FHIT: variants seen among roughly 807,000 people sequenced by gnomAD.
The protein encoded by FHIT is fragile histidine triad diadenosine triphosphatase.
In FHIT, 19 loss-of-function variants were observed where a neutral mutation model predicts 17.9. The ratio of observed to expected loss-of-function variants is 1.06; its 90% CI spans 0.74 to 1.56. FHIT has a LOEUF of 1.56. Among genes scored for constraint, FHIT ranks in the 40% most tolerant of loss-of-function variants. FHIT has a pLI of 0.00. For synonymous variants in FHIT, 81 were observed against 69.7 expected, an observed-to-expected ratio of 1.16 and a Z score of -0.81; for missense variants, 248 against 189.2, an observed-to-expected ratio of 1.31 and a Z score of -1.82.
At chr3:60,543,664 T>G (rs1293666052) in intron 4 of FHIT, among the ~76,000 whole-genome samples, 1 of 152,158 alleles carries the variant, frequency 6.6e-6, no homozygotes, top group East Asian at 1.9e-4. Context: ...AAGCTATTGA[T>G]TTTTCTACGT....
intron 8 of FHIT, among the ~76,000 whole-genome samples, chr3:59,876,112 T>C (rs1197424871): frequency 6.6e-6 from 1 of 152,078 alleles, no homozygotes; most frequent in Non-Finnish European, 1.5e-5. Context: ...TATAGTTTCA[T>C]ATGCCTGTAT....
At chr3:61,210,165 A>G (rs891308931) in intron 1 of FHIT, among the ~76,000 whole-genome samples, 2 of 150,882 alleles carry the variant, frequency 1.3e-5, no homozygotes, top group African/African-American at 4.9e-5. Flanking sequence ...TTGATCGTTC[A>G]AGTTTTGTCT....
At chr3:60,719,053 T>A (rs2041751232) in intron 4 of FHIT, among the ~76,000 whole-genome samples, 1 of 152,168 alleles carries the variant, frequency 6.6e-6, no homozygotes, top group Non-Finnish European at 1.5e-5. Context: ...ACAGAAATGG[T>A]GAAGGCATGC....
chr3:59,927,711 G>A (rs11712381), intron 7 of FHIT, among the ~76,000 whole-genome samples: 23,708 of 152,102 alleles, frequency 0.16, 2,151 homozygotes, highest in Middle Eastern at 0.25. Context: ...GGAGGTTGCC[G>A]TGAGCCGAGA....
intron 3 of FHIT, among the ~76,000 whole-genome samples, chr3:60,887,039 A>G (rs1211315209): frequency 1.3e-5 from 2 of 152,204 alleles, no homozygotes; most frequent in Non-Finnish European, 2.9e-5. Context: ...TTTTACCATC[A>G]TATATATAAC....
intron 5 of FHIT, among the ~76,000 whole-genome samples, chr3:60,257,756 A>G (rs1706076519): frequency 6.6e-6 from 1 of 152,168 alleles, no homozygotes; most frequent in African/African-American, 2.4e-5. Flanking sequence ...GACATGGATG[A>G]AACTAGAGGT....
chr3:59,982,875 A>C (rs886971775), intron 7 of FHIT, among the ~76,000 whole-genome samples: 3 of 152,102 alleles, frequency 2.0e-5, no homozygotes, highest in African/African-American at 7.2e-5. Context: ...CTAAATCCAA[A>C]GTTTTCTATT....
chr3:60,564,016 G>A (rs955161466), intron 4 of FHIT, among the ~76,000 whole-genome samples: 1 of 152,166 alleles, frequency 6.6e-6, no homozygotes, highest in Non-Finnish European at 1.5e-5. Flanking sequence ...GAGAGGAGAA[G>A]TTAGTGCCTG....
chr3:60,553,819 CT>C (rs1195347139), intron 4 of FHIT, among the ~76,000 whole-genome samples: 1 of 152,094 alleles, frequency 6.6e-6, no homozygotes, highest in African/African-American at 2.4e-5. Context: ...AGCACAGTGG[CT>C]CACACCTGTA....
chr3:60,520,511 C>A (rs13064050), intron 5 of FHIT, among the ~76,000 whole-genome samples: 22,795 of 152,046 alleles, frequency 0.15, 2,167 homozygotes, highest in African/African-American at 0.25. Context: ...AGAAACATCT[C>A]GTCTAGAGAG....
chr3:60,322,559 G>A (rs1430454826), intron 5 of FHIT, among the ~76,000 whole-genome samples: 1 of 152,128 alleles, frequency 6.6e-6, no homozygotes, highest in Non-Finnish European at 1.5e-5. Flanking sequence ...GTAAATAAGG[G>A]CACCGGACAA....
At chr3:60,452,119 G>C (rs570609896) in intron 5 of FHIT, among the ~76,000 whole-genome samples, 89 of 152,234 alleles carry the variant, frequency 5.8e-4, no homozygotes, top group African/African-American at 2.1e-3. Flanking sequence ...CAAATCTTGG[G>C]AGGAGAAATA....
intron 3 of FHIT, among the ~76,000 whole-genome samples, chr3:61,014,276 C>T (rs1051267831): frequency 6.6e-6 from 1 of 152,126 alleles, no homozygotes; most frequent in Non-Finnish European, 1.5e-5. Flanking sequence ...TATTGTTACT[C>T]ATGTATTTCT....
intron 3 of FHIT, among the ~76,000 whole-genome samples, chr3:60,838,405 G>C (rs2106849680): frequency 1.3e-5 from 2 of 152,326 alleles, no homozygotes; most frequent in South Asian, 4.1e-4. Flanking sequence ...CCGGGAGGCA[G>C]AGCTTGCAGT....
chr3:59,885,580 T>A (rs537432254), intron 8 of FHIT, among the ~76,000 whole-genome samples: 43 of 152,190 alleles, frequency 2.8e-4, no homozygotes, highest in African/African-American at 1.0e-3. Flanking sequence ...CTCTGTTTGA[T>A]CATCCACTTT....
chr3:59,969,263 T>C (rs1708069473), intron 7 of FHIT, among the ~76,000 whole-genome samples: 1 of 152,154 alleles, frequency 6.6e-6, no homozygotes, highest in Non-Finnish European at 1.5e-5. Context: ...ATTCCATTAT[T>C]CAAAAATACA....
At chr3:61,071,651 A>T (rs1250423002) in intron 2 of FHIT, among the ~76,000 whole-genome samples, 4 of 152,228 alleles carry the variant, frequency 2.6e-5, no homozygotes, top group Non-Finnish European at 5.9e-5. Context: ...GATATAAAAC[A>T]GTCTATGCAG....
chr3:60,064,203 A>G (rs1240225740), intron 5 of FHIT, among the ~76,000 whole-genome samples: 2 of 152,218 alleles, frequency 1.3e-5, no homozygotes, highest in East Asian at 3.8e-4. Flanking sequence ...ATTTAAATCA[A>G]TAATATTAAT....
chr3:60,509,842 G>A (rs1447135531), intron 5 of FHIT, among the ~76,000 whole-genome samples: 1 of 152,182 alleles, frequency 6.6e-6, no homozygotes, highest in Admixed American at 6.5e-5. Flanking sequence ...GGAATAGGAA[G>A]AAAATATTTT....
Sources: allele counts gnomAD v4.1 joint callset (sites outside exome capture counted in the v4.1 genomes callset), GRCh38; gene constraint gnomAD v4.1.1; transcripts MANE v1.5; gene names NCBI Gene and HGNC (gene_info 2026-07-23, HGNC 2026-07-21).